AIG1: variants seen among roughly 807,000 people sequenced by gnomAD.
AIG1 encodes the protein androgen induced 1, also known as androgen-induced gene 1 protein.
In AIG1, 23 loss-of-function variants were observed where a neutral mutation model predicts 31.4. That is an observed-to-expected ratio of 0.73 (90% CI 0.53 to 1.04). The LOEUF (loss-of-function observed/expected upper bound fraction) is 1.04. Among genes scored for constraint, AIG1 ranks in the 50% least tolerant of loss-of-function variants. The pLI is 0.00. For synonymous variants in AIG1, 100 were observed against 110.5 expected, an observed-to-expected ratio of 0.90 and a Z score of 0.60; for missense variants, 274 against 295.0, an observed-to-expected ratio of 0.93 and a Z score of 0.52.
At chr6:143,343,190 C>T (rs1416414139), downstream of AIG1, 24 of 713,584 alleles carry the variant, frequency 3.4e-5, no homozygotes, top group Non-Finnish European at 5.8e-5. Flanking sequence ...AATCCATTAA[C>T]GCCACGGATA....
At chr6:143,278,923 T>C (rs533416192) in intron 3 of AIG1, among the ~76,000 whole-genome samples, 53 of 152,308 alleles carry the variant, frequency 3.5e-4, no homozygotes, top group African/African-American at 1.3e-3. Flanking sequence ...GATATTCCAT[T>C]TATGAGAGTT....
At chr6:143,215,484 T>A (rs926303400) in intron 3 of AIG1, among the ~76,000 whole-genome samples, 2 of 152,196 alleles carry the variant, frequency 1.3e-5, no homozygotes, top group African/African-American at 4.8e-5. Context: ...TGCAAACCAC[T>A]AAGTTCTGGC....
At chr6:143,167,320 A>G (rs1421393466) in intron 3 of AIG1, among the ~76,000 whole-genome samples, 1 of 152,228 alleles carries the variant, frequency 6.6e-6, no homozygotes, top group African/African-American at 2.4e-5. Flanking sequence ...AATATCACCT[A>G]GATAACTCTA....
chr6:143,275,383 G>T (rs2128671338), intron 3 of AIG1, among the ~76,000 whole-genome samples: 1 of 152,140 alleles, frequency 6.6e-6, no homozygotes, highest in Middle Eastern at 3.4e-3. Flanking sequence ...ATCCAAATTT[G>T]TTTCTCCTAC....
chr6:143,145,498 T>C (rs528790461), intron 2 of AIG1, among the ~76,000 whole-genome samples: 34 of 151,902 alleles, frequency 2.2e-4, no homozygotes, highest in African/African-American at 8.0e-4. Flanking sequence ...TAGGGAGCCC[T>C]CCCCCAGTGT....
chr6:143,228,696 T>C (rs1409716304), intron 3 of AIG1, among the ~76,000 whole-genome samples: 1 of 152,106 alleles, frequency 6.6e-6, no homozygotes, highest in Non-Finnish European at 1.5e-5. Flanking sequence ...CAAAACCAAA[T>C]GAAGAAAAGA....
intron 1 of AIG1, among the ~76,000 whole-genome samples, chr6:143,076,636 C>T (rs1323838955): frequency 6.6e-6 from 1 of 151,132 alleles, no homozygotes; most frequent in Non-Finnish European, 1.5e-5. Flanking sequence ...TTTTTGTTCC[C>T]CCACCTCCAT....
intron 2 of AIG1, among the ~76,000 whole-genome samples, chr6:143,151,244 C>T (rs1223461492): frequency 6.6e-6 from 1 of 152,180 alleles, no homozygotes; most frequent in African/African-American, 2.4e-5. Context: ...GAAAAGCCCT[C>T]ATACAACTAC....
chr6:143,112,009 T>C (rs1225028902), intron 1 of AIG1, among the ~76,000 whole-genome samples: 1 of 152,208 alleles, frequency 6.6e-6, no homozygotes, highest in African/African-American at 2.4e-5. Flanking sequence ...AGATGATCTT[T>C]CCAAAATGTA....
chr6:143,113,194 C>G (rs530493296), intron 1 of AIG1, among the ~76,000 whole-genome samples: 2 of 149,870 alleles, frequency 1.3e-5, no homozygotes, highest in Non-Finnish European at 3.0e-5. Flanking sequence ...CTGAAAGACC[C>G]TGTCTCAAAA....
intron 4 of AIG1, among the ~76,000 whole-genome samples, chr6:143,306,289 G>T (rs555549449): frequency 1.3e-5 from 2 of 152,180 alleles, no homozygotes; most frequent in Non-Finnish European, 2.9e-5. Context: ...TGGTTATTTT[G>T]CTCATTAGTT....
At chr6:143,116,358 G>A (rs1781736518) in intron 1 of AIG1, among the ~76,000 whole-genome samples, 1 of 152,070 alleles carries the variant, frequency 6.6e-6, no homozygotes, top group Non-Finnish European at 1.5e-5. Context: ...AGGCCCTTGT[G>A]TTCTAAGCAA....
intron 3 of AIG1, among the ~76,000 whole-genome samples, chr6:143,177,885 T>C (rs907403572): frequency 1.3e-5 from 2 of 152,134 alleles, no homozygotes; most frequent in African/African-American, 2.4e-5. Flanking sequence ...TCGCCAGTGG[T>C]GGCATATCTT....
intron 1 of AIG1, among the ~76,000 whole-genome samples, chr6:143,090,919 A>G (rs1201177294): frequency 7.3e-5 from 11 of 151,462 alleles, no homozygotes; most frequent in Non-Finnish European, 1.0e-4. Context: ...TTTACCCACA[A>G]TAGAACTTCT....
At chr6:143,154,412 T>A (rs1785526915) in intron 2 of AIG1, among the ~76,000 whole-genome samples, 2 of 151,938 alleles carry the variant, frequency 1.3e-5, no homozygotes, top group Admixed American at 1.3e-4. Context: ...GAAGAACAAA[T>A]CAACAGTTGC....
chr6:143,080,692 G>A (rs192439448), intron 1 of AIG1, among the ~76,000 whole-genome samples: 16 of 152,184 alleles, frequency 1.1e-4, no homozygotes, highest in Admixed American at 4.6e-4. Flanking sequence ...CACGGTTGTC[G>A]CCTGAAGAGC....
At chr6:143,170,864 A>C (rs1275865051) in intron 3 of AIG1, among the ~76,000 whole-genome samples, 1 of 141,388 alleles carries the variant, frequency 7.1e-6, no homozygotes, top group Non-Finnish European at 1.5e-5. Context: ...GTTCCCCAAA[A>C]ACCTATTGAA....
intron 3 of AIG1, among the ~76,000 whole-genome samples, chr6:143,277,622 A>G (rs1797035555): frequency 6.6e-6 from 1 of 152,224 alleles, no homozygotes; most frequent in South Asian, 2.1e-4. Flanking sequence ...ATAACTGTGC[A>G]AACACTTCCA....
At chr6:143,102,573 A>G (rs1780393515) in intron 1 of AIG1, among the ~76,000 whole-genome samples, 1 of 147,904 alleles carries the variant, frequency 6.8e-6, no homozygotes, top group Non-Finnish European at 1.5e-5. Context: ...ATATAAATAT[A>G]TATAATATAA....
Sources: gnomAD v4.1 joint callset for allele counts (sites outside exome capture counted in the v4.1 genomes callset) on GRCh38, gnomAD v4.1.1 for gene constraint, MANE v1.5 for transcripts, NCBI Gene and HGNC (gene_info 2026-07-23, HGNC 2026-07-21) for gene names.